Variants in ADAM22 observed in about 807,000 individuals in gnomAD.
ADAM22 encodes disintegrin and metalloproteinase domain-containing protein 22.
Under a neutral mutation model 144.6 loss-of-function variants are expected in ADAM22, and 65 were observed. That is an observed-to-expected ratio of 0.45 (90% confidence interval 0.37 to 0.55). The LOEUF is 0.55. Ranked by LOEUF, ADAM22 falls within the 20% of genes least tolerant of loss-of-function variation. ADAM22 has a pLI of 0.00. For synonymous variants in ADAM22, 391 were observed against 412.6 expected (o/e 0.95, Z 0.63); for missense variants, 974 against 1,184.9 (o/e 0.82, Z 2.61).
intron 26 of ADAM22, 61 bp from the exon 27 acceptor site, chr7:88,178,874 A>G: frequency 2.0e-6 from 2 of 1,020,400 alleles, no homozygotes; most frequent in South Asian, 3.4e-5. Context: ...TAATATTTGT[A>G]TATGTCTGTG....
chr7:88,163,384 T>G (rs1328171760), intron 23 of ADAM22, among the ~76,000 whole-genome samples: 1 of 152,114 alleles, frequency 6.6e-6, no homozygotes, highest in Non-Finnish European at 1.5e-5. Flanking sequence ...ATGAATAATC[T>G]TTCTAACCAA....
chr7:87,965,009 A>G (rs1027516888), intron 2 of ADAM22, among the ~76,000 whole-genome samples: 4 of 152,250 alleles, frequency 2.6e-5, no homozygotes, highest in Non-Finnish European at 5.9e-5. Context: ...TCTTACAGAC[A>G]CACACCACAA....
intron 29 of ADAM22, among the ~76,000 whole-genome samples, chr7:88,183,291 C>T (rs750408577): frequency 9.2e-5 from 14 of 152,138 alleles, no homozygotes; most frequent in Non-Finnish European, 1.9e-4. Context: ...CATGAGGTCA[C>T]CTAGTAAGAG....
Position 87,986,351 on chromosome 7 carries a change from C to T in ADAM22, c.323+7939C>T, listed in dbSNP as rs150341639. ...CAGGGTGGCCTTGTTGTTAGAGGGG[C>T]AGCTTTTGGCTGCAAAGTCCAGAGC... On this transcript the variant is annotated intron_variant, in intron 3 of 31. Transcript: ENST00000413139. 2.0e-5 allele frequency among the ~76,000 whole-genome samples: 3 copies of T among 152,144 alleles called. No homozygotes were observed. The South Asian group carries it at 6.2e-4, about 32-fold the overall frequency.
At chr7:87,948,911 C>T (rs967982964) in intron 2 of ADAM22, among the ~76,000 whole-genome samples, 1 of 152,154 alleles carries the variant, frequency 6.6e-6, no homozygotes, top group African/African-American at 2.4e-5. Flanking sequence ...AGTTGGTGCT[C>T]AGTAAATATT....
intron 3 of ADAM22, among the ~76,000 whole-genome samples, chr7:87,987,681 C>G (rs1788803770): frequency 6.6e-6 from 1 of 152,158 alleles, no homozygotes; most frequent in East Asian, 1.9e-4. Flanking sequence ...GAAACTTGTT[C>G]TCTAATAGTT....
chr7:88,177,424 A>G (rs1340245845), intron 26 of ADAM22, among the ~76,000 whole-genome samples: 1 of 152,192 alleles, frequency 6.6e-6, no homozygotes, highest in Non-Finnish European at 1.5e-5. Flanking sequence ...TTAATGTTTT[A>G]TATACTGGGG....
rs750735484 is a variant in ADAM22 at position 88,131,442 on chromosome 7, A to T, written c.992+7A>T. ...ATGCAGTTCACCTTTTTTCGTACGTAACTTCTGTAATGATGTATTACTTTT... is the reference window on the plus strand; with the variant it reads ...ATGCAGTTCACCTTTTTTCGTACGTTACTTCTGTAATGATGTATTACTTTT... On this transcript the variant is annotated splice_region_variant and intron_variant, in intron 11 of 31. Transcript: ENST00000413139. 6.2e-7 allele frequency: 1 copy of T among 1,613,058 alleles called. No homozygotes were observed. Among genetic ancestry groups the T allele is most frequent in the South Asian group, 1.1e-5 (1 of 91,060 alleles).
intron 13 of ADAM22, 106 bp from the exon 14 acceptor site, chr7:88,135,874 A>G (rs1482371763): frequency 1.1e-6 from 1 of 931,584 alleles, no homozygotes; most frequent in African/African-American, 1.7e-5. Flanking sequence ...TACTTTTTAA[A>G]AGGCATTTTA....
At chr7:88,175,561 T>C (rs868311458) in intron 26 of ADAM22, among the ~76,000 whole-genome samples, 1 of 152,198 alleles carries the variant, frequency 6.6e-6, no homozygotes, top group Non-Finnish European at 1.5e-5. Context: ...GTGTTTATTA[T>C]ATTTTGGCTA....
At chr7:88,141,618 A>C (rs1834696020) in intron 14 of ADAM22, among the ~76,000 whole-genome samples, 1 of 152,154 alleles carries the variant, frequency 6.6e-6, no homozygotes, top group Admixed American at 6.5e-5. Context: ...TTTCTCCAGT[A>C]ATAACCATGG....
chr7:88,145,435 A>G lies in ADAM22; in HGVS notation c.1413A>G (p.Ala471=), dbSNP rs1431392472. ...CTTAGGAATGTGTCCTTGAAGGAGC[A>G]GAGTGTTGTAAGAAATGCACCTTGA... is the stretch of plus-strand genomic sequence containing the variant. ...GTPAECVLEG[A]ECCKKCTLTQ... The change falls in exon 17 of 32, where the codon GCA becomes GCG. Residue 471 remains alanine, a synonymous_variant. Transcript: ENST00000413139. 6.2e-7 allele frequency: 1 copy of G among 1,613,692 alleles called. No individual in the cohort carries two copies. Among genetic ancestry groups the G allele is most frequent in the Non-Finnish European group, 8.5e-7 (1 of 1,179,618 alleles).
intron 3 of ADAM22, among the ~76,000 whole-genome samples, chr7:88,012,892 TG>T (rs993591770): frequency 1.3e-5 from 2 of 152,234 alleles, no homozygotes; most frequent in Non-Finnish European, 2.9e-5. Context: ...TCCTTCCCTG[TG>T]GAGAGTAGCC....
intron 3 of ADAM22, among the ~76,000 whole-genome samples, chr7:88,014,004 C>G (rs1796022093): frequency 6.6e-6 from 1 of 152,194 alleles, no homozygotes; most frequent in South Asian, 2.1e-4. Flanking sequence ...ACCTACTACC[C>G]TCTCCTTCTA....
intron 3 of ADAM22, among the ~76,000 whole-genome samples, chr7:88,063,868 GT>G (rs1383410400): frequency 3.9e-5 from 6 of 152,174 alleles, no homozygotes; most frequent in Non-Finnish European, 8.8e-5. Context: ...TCAAAGATGA[GT>G]TCTCAGAAAA....
In ADAM22 at chr7:88,087,849, C is replaced by T. The variant is rs576193583; in HGVS notation, c.390+12157C>T. ...AACGATGAGTTTGTACAGAGACATC[C>T]GTTACACAATATTGACTTTTGACTG... On this transcript the variant is annotated intron_variant, in intron 4 of 31. Transcript: ENST00000413139. Among the ~76,000 whole-genome samples the T allele has an allele frequency of 1.9e-3, 292 of 152,206 alleles. 3 individuals carry two copies. The highest frequency in any genetic ancestry group is 6.5e-3 in the African/African-American group (269 of 41,540).
At chr7:88,140,369 G>A (rs1834243682) in intron 14 of ADAM22, among the ~76,000 whole-genome samples, 1 of 152,086 alleles carries the variant, frequency 6.6e-6, no homozygotes, top group South Asian at 2.1e-4. Flanking sequence ...GTCAGGCTAT[G>A]TGACCTAAGG....
chr7:88,011,615 A>G (rs1230812904), intron 3 of ADAM22, among the ~76,000 whole-genome samples: 1 of 151,760 alleles, frequency 6.6e-6, no homozygotes, highest in Non-Finnish European at 1.5e-5. Context: ...AACTTGTTGG[A>G]GAATATTAAT....
chr7:87,990,840 T>A (rs1789655670), intron 3 of ADAM22, among the ~76,000 whole-genome samples: 1 of 152,150 alleles, frequency 6.6e-6, no homozygotes, highest in Non-Finnish European at 1.5e-5. Context: ...TTTTTTTGTA[T>A]TTTTAGTAGA....
Sources: gnomAD v4.1 joint callset for allele counts (sites outside exome capture counted in the v4.1 genomes callset) on GRCh38, gnomAD v4.1.1 for gene constraint, MANE v1.5 for transcripts, NCBI Gene and HGNC (gene_info 2026-07-23, HGNC 2026-07-21) for gene names.